The following TMEM273 variants were observed in gnomAD, a reference collection of about 807,000 sequenced individuals.
TMEM273 encodes transmembrane protein 273, also known as chromosome 10 open reading frame 128.
In TMEM273, 19 loss-of-function variants were observed where a neutral mutation model predicts 17.9. The observed-to-expected ratio is 1.06, with a 90% CI of 0.74 to 1.55. The LOEUF is 1.55. Among genes scored for constraint, TMEM273 ranks in the 40% most tolerant of loss-of-function variants. TMEM273 has a pLI of 0.00. For missense variants in TMEM273, 194 were observed against 155.6 expected (o/e 1.25, Z -1.31); for synonymous variants, 66 against 62.0 (o/e 1.07, Z -0.31).
At chr10:49,156,971 T>C (rs1003801798) in intron 6 of TMEM273, among the ~76,000 whole-genome samples, 2 of 152,138 alleles carry the variant, frequency 1.3e-5, no homozygotes, top group African/African-American at 4.8e-5. Context: ...CTTCAAAAGA[T>C]GGAAGGTTCA....
chr10:49,165,470 T>C, intron 4 of TMEM273, 187 bp from the exon 5 acceptor site: 1 of 1,466,296 alleles, frequency 6.8e-7, no homozygotes, highest in South Asian at 1.5e-5. Flanking sequence ...ATTCTGAAAG[T>C]CAGGGGTATG....
intron 6 of TMEM273, among the ~76,000 whole-genome samples, chr10:49,156,557 C>T (rs1289911203): frequency 3.3e-5 from 5 of 152,232 alleles, no homozygotes; most frequent in Non-Finnish European, 7.3e-5. Flanking sequence ...TGTAGTTTCA[C>T]ATAGACATCT....
intron 1 of TMEM273, among the ~76,000 whole-genome samples, chr10:49,168,190 C>A (rs1846321728): frequency 1.3e-5 from 2 of 152,186 alleles, no homozygotes; most frequent in Non-Finnish European, 2.9e-5. Context: ...AGCCGTTCAG[C>A]ACAGTTTCCA....
chr10:49,156,243 ACAGATCTGGC>A (rs1387847107), intron 6 of TMEM273: 1 of 1,366,966 alleles, frequency 7.3e-7, no homozygotes, highest in South Asian at 1.2e-5. Flanking sequence ...GTGAATTTGC[ACAGATCTGGC>A]CAGATGCTAC....
intron 1 of TMEM273, among the ~76,000 whole-genome samples, chr10:49,168,982 C>T (rs952513426): frequency 3.3e-5 from 5 of 150,182 alleles, no homozygotes; most frequent in African/African-American, 1.2e-4. Flanking sequence ...GTTATTATTG[C>T]CATTCGCAAA....
At chr10:49,156,151 C>A in intron 6 of TMEM273, 1 of 1,526,262 alleles carries the variant, frequency 6.6e-7, no homozygotes, top group Non-Finnish European at 8.8e-7. Context: ...AACAAAACTT[C>A]ATCCACTTTG....
At chr10:49,156,322 G>C in intron 6 of TMEM273, 15 of 1,275,808 alleles carry the variant, frequency 1.2e-5, no homozygotes, top group East Asian at 1.1e-4. Context: ...CTTCACATCT[G>C]AACTACGAGC....
In TMEM273 at chr10:49,167,922, A is replaced by T; in HGVS notation, c.84T>A (p.Pro28=). 1 of 1,614,018 alleles carries T rather than the reference A, an allele frequency of 6.2e-7. No individual in the cohort carries two copies. The change falls in exon 2 of 7, where the codon CCT becomes CCA. Residue 28 remains proline (P), a synonymous_variant. Coordinates refer to ENST00000374153, the MANE Select transcript of TMEM273 (RefSeq NM_001288740.3). ...GCAGCCACGTACCAATTTCAGCCCC[A>T]GGGGTCTTGCCTGTTGCCAGCACTT... ...GAQVLATGKT[P]GAEIDFKYAL... is the part of the protein sequence containing the mutation.
chr10:49,165,529 G>T (rs1292906627), intron 4 of TMEM273, among the ~76,000 whole-genome samples: 2 of 152,206 alleles, frequency 1.3e-5, no homozygotes, highest in Admixed American at 6.5e-5. Context: ...TCCAGGCTAT[G>T]CAGAGGCGAG....
chr10:49,158,903 GCACAGATATATA>G (rs1845675187), intron 6 of TMEM273, among the ~76,000 whole-genome samples: 1 of 152,242 alleles, frequency 6.6e-6, no homozygotes, highest in African/African-American at 2.4e-5. Flanking sequence ...AAGTATATAT[GCACAGATATATA>G]CATCTATATG....
chr10:49,174,960 G>A (rs540549743), intron 1 of TMEM273, among the ~76,000 whole-genome samples: 4 of 152,134 alleles, frequency 2.6e-5, no homozygotes, highest in African/African-American at 7.2e-5. Flanking sequence ...GGGCCAAGGC[G>A]GGCACCTAAC....
intron 1 of TMEM273, among the ~76,000 whole-genome samples, chr10:49,168,894 C>A (rs1846375262): frequency 6.6e-6 from 1 of 152,192 alleles, no homozygotes; most frequent in African/African-American, 2.4e-5. Context: ...TGGCCACTTA[C>A]TCTGAGACGG....
intron 1 of TMEM273, among the ~76,000 whole-genome samples, chr10:49,170,319 G>A (rs975781413): frequency 8.6e-5 from 13 of 152,042 alleles, no homozygotes; most frequent in African/African-American, 2.7e-4. Context: ...CTCCATTCTC[G>A]CCAGGCTGTC....
chr10:49,165,194 G>A lies in TMEM273; in HGVS notation c.348+11C>T. ...AAGAGAATGGTGGCTGGAGTCGAGA[G>A]GGGATTGTACCTTAAATAGGCCCTC... is the stretch of plus-strand genomic sequence containing the variant. On this transcript the variant is annotated intron_variant, in intron 5 of 6. Transcript: ENST00000374153. 1 of 1,542,856 alleles carries A rather than the reference G, an allele frequency of 6.5e-7. No homozygotes were observed. The highest frequency in any genetic ancestry group is 8.7e-7 in the Non-Finnish European group (1 of 1,144,408).
chr10:49,165,634 G>A (rs143075829), intron 4 of TMEM273, 132 bp downstream of exon 4: 232 of 1,358,196 alleles, frequency 1.7e-4, no homozygotes, highest in East Asian at 5.6e-4. Context: ...AGGGGACCAC[G>A]AGGTGCATTC....
intron 6 of TMEM273, 120 bp from the exon 7 acceptor site, chr10:49,156,029 C>T (rs761352655): frequency 1.3e-6 from 2 of 1,580,388 alleles, no homozygotes; most frequent in Admixed American, 1.8e-5. Context: ...GCAAAGCCTG[C>T]AAGGTGGGCC....
intron 1 of TMEM273, 143 bp from the exon 2 acceptor site, chr10:49,168,105 G>A (rs1366631239): frequency 7.2e-6 from 7 of 973,902 alleles, no homozygotes; most frequent in Non-Finnish European, 1.1e-5. Context: ...GGAGTGTCTT[G>A]GAGCCTTGCT....
chr10:49,173,276 G>C (rs1846706513), intron 1 of TMEM273, among the ~76,000 whole-genome samples: 1 of 152,214 alleles, frequency 6.6e-6, no homozygotes. Flanking sequence ...CTCGGTAACT[G>C]TCATCTGCAA....
intron 2 of TMEM273, 129 bp downstream of exon 2, chr10:49,167,780 G>T (rs2132159273): frequency 8.5e-7 from 1 of 1,178,654 alleles, no homozygotes; most frequent in Non-Finnish European, 1.2e-6. Context: ...ACCTGGAGGT[G>T]AGGGTGCCCC....
Sources: gnomAD v4.1 joint callset for allele counts (sites outside exome capture counted in the v4.1 genomes callset) on GRCh38, gnomAD v4.1.1 for gene constraint, MANE v1.5 for transcripts, NCBI Gene and HGNC (gene_info 2026-07-23, HGNC 2026-07-21) for gene names.